VWA3A: variants seen among roughly 807,000 people sequenced by gnomAD.
The protein encoded by VWA3A is von Willebrand factor A domain containing 3A, also known as von Willebrand factor A domain-containing protein 3A.
A neutral mutation model predicts 160.4 loss-of-function variants in VWA3A; 134 were observed. That is an observed-to-expected ratio of 0.84 (90% CI 0.73 to 0.96). The LOEUF (loss-of-function observed/expected upper bound fraction) is 0.96. Among genes scored for constraint, VWA3A ranks in the 40% least tolerant of loss-of-function variants. The pLI is 0.00. For synonymous variants in VWA3A, 476 were observed against 543.4 expected (o/e 0.88, Z 1.72); for missense variants, 1,310 against 1,447.9 (o/e 0.90, Z 1.55).
At chr16:22,108,155 G>A (rs1024833682) in intron 6 of VWA3A, among the ~76,000 whole-genome samples, 6 of 152,114 alleles carry the variant, frequency 3.9e-5, no homozygotes, top group South Asian at 2.1e-4. Flanking sequence ...ATGGGTCCCC[G>A]GGAGGTAAGG....
chr16:22,092,784 A>C, intron 1 of VWA3A, 133 bp downstream of exon 1: 3 of 1,146,330 alleles, frequency 2.6e-6, no homozygotes, highest in East Asian at 2.8e-5. Context: ...CATGCCGAGC[A>C]TTGGGCTAAA....
intron 1 of VWA3A, among the ~76,000 whole-genome samples, chr16:22,093,128 G>A (rs547721860): frequency 1.3e-5 from 2 of 152,128 alleles, no homozygotes; most frequent in South Asian, 4.2e-4. Flanking sequence ...TTCAACAAAT[G>A]TTTTTTGAGC....
intron 5 of VWA3A, among the ~76,000 whole-genome samples, chr16:22,102,980 G>A (rs1208273281): frequency 6.6e-6 from 1 of 152,192 alleles, no homozygotes; most frequent in East Asian, 1.9e-4. Context: ...GTCACCAATA[G>A]AGCAGCACCT....
intron 29 of VWA3A, 38 bp from the exon 30 acceptor site, chr16:22,150,657 T>C: frequency 1.9e-6 from 3 of 1,575,460 alleles, no homozygotes; most frequent in Non-Finnish European, 2.6e-6. Context: ...TGGGTGAGCC[T>C]CTCCCCTGAG....
At position 22,121,691 on chromosome 16, in the gene VWA3A, G is replaced by A. The variant is rs887685479; in HGVS notation, c.1356+74G>A. On this transcript the variant is annotated intron_variant, in intron 14 of 33. Transcript: ENST00000389398. ...TGTGGCTTTTCCTACCTTCATAAAT[G>A]TTCTGGCAGTAAGAATCACCAGGGA... 5.9e-6 allele frequency: 7 copies of A among 1,195,156 alleles called. No homozygotes were observed. The African/African-American group carries it at 1.1e-4, about 18-fold the overall frequency. The allele number at this position is 1,195,156 out of a possible 1,614,324, so 74.0% of individuals were successfully genotyped here.
At chr16:22,129,772 G>C (rs2045916848) in intron 17 of VWA3A, among the ~76,000 whole-genome samples, 1 of 152,128 alleles carries the variant, frequency 6.6e-6, no homozygotes, top group East Asian at 1.9e-4. Flanking sequence ...AGCATTCGAA[G>C]GGTGGGCAGA....
chr16:22,146,241 G>A lies in VWA3A; in HGVS notation c.2736G>A (p.Val912=). 6.2e-7 allele frequency: 1 copy of A among 1,613,286 alleles called. No homozygotes were observed. Among genetic ancestry groups the A allele is most frequent in the Non-Finnish European group, 8.5e-7 (1 of 1,179,536 alleles). The part of the protein sequence containing the change: ...SIFPSVEIHG[V]VRHIQWTPRE... ...CTCTGCTTGCCTTAACCCAGGGAGT[G>A]GTGAGACACATCCAGTGGACGCCCA... The change falls in exon 27 of 34, where the codon GTG becomes GTA. Residue 912 remains valine, a synonymous_variant. Transcript: ENST00000389398.
chr16:22,123,365 A>T, intron 15 of VWA3A, 200 bp downstream of exon 15: 2 of 1,300,932 alleles, frequency 1.5e-6, no homozygotes, highest in African/African-American at 1.5e-5. Context: ...AAAAAAAAAA[A>T]GGCTTCTAAT....
At chr16:22,135,598 T>C (rs915552900) in intron 21 of VWA3A, among the ~76,000 whole-genome samples, 9 of 152,054 alleles carry the variant, frequency 5.9e-5, no homozygotes, top group Non-Finnish European at 1.5e-5. Context: ...GAAATGAGTG[T>C]CTCCTAGAAG....
chr16:22,110,391 C>T (rs995620189), intron 7 of VWA3A, among the ~76,000 whole-genome samples: 4 of 152,208 alleles, frequency 2.6e-5, no homozygotes, highest in African/African-American at 9.6e-5. Context: ...GACTTGTCCC[C>T]TGTTCCTGGT....
At position 22,156,835 on chromosome 16, in the gene VWA3A, T is replaced by C. The variant is rs2046449174; in HGVS notation, c.*818T>C. On this transcript the variant is annotated 3_prime_UTR_variant, in exon 34 of 34. Transcript: ENST00000389398. ...AAATTAAAAACAATTAATTTTATTCTACTAATAGGATCAACATGACTTTAA... is the reference window on the plus strand; with the variant it reads ...AAATTAAAAACAATTAATTTTATTCCACTAATAGGATCAACATGACTTTAA... 1 of 152,218 alleles carries C rather than the reference T, an allele frequency of 6.6e-6. No homozygotes were observed. Among genetic ancestry groups the C allele is most frequent in the Non-Finnish European group, 1.5e-5 (1 of 68,036 alleles). The allele number at this position is 152,218 out of a possible 1,614,324, so 9.4% of individuals were successfully genotyped here. A position where few individuals can be genotyped will look rare whatever the true frequency, so the allele number is the denominator to read the frequency against.
chr16:22,117,641 C>T (rs1157754121), intron 11 of VWA3A, among the ~76,000 whole-genome samples: 1 of 152,182 alleles, frequency 6.6e-6, no homozygotes, highest in African/African-American at 2.4e-5. Flanking sequence ...CTGTCCTTGT[C>T]CCAGTTAATA....
rs1174327241 is a variant in VWA3A, at chr16:22,121,200, C to T, written c.1252+97C>T. 6.4e-6 allele frequency: 10 copies of T among 1,553,766 alleles called. No individual in the cohort carries two copies. In the Admixed American group the frequency reaches 1.2e-4, roughly 19 times the overall value. ...GTGGCTCACACCTGCAATCCCAGCA[C>T]TTTGGGAGGCCAAGAAGGAAGGATC... On this transcript the variant is annotated intron_variant, in intron 13 of 33. Coordinates refer to ENST00000389398, the MANE Select transcript of VWA3A (RefSeq NM_173615.5).
intron 5 of VWA3A, among the ~76,000 whole-genome samples, chr16:22,101,173 C>G (rs575448377): frequency 6.6e-6 from 1 of 152,182 alleles, no homozygotes; most frequent in South Asian, 2.1e-4. Context: ...GGGAGGATCA[C>G]TTGAGCCCAG....
At position 22,118,984 on chromosome 16, in the gene VWA3A, A is replaced by G. The variant is rs764076482; in HGVS notation, c.1073A>G (p.Gln358Arg). The change falls in exon 12 of 34, where the codon CAG becomes CGG. Residue 358 changes from glutamine (Q) to arginine (R), a missense_variant. Physicochemically the swap from Gln to Arg is conservative, Grantham distance 43. Transcript: ENST00000389398. ...CTCCTCAGCCACGTGCAAGCCCTGC[A>G]GCACAGCAGCCCCTGTGAGGCGCTC... is the stretch of plus-strand genomic sequence containing the variant. ...QSLLSHVQAL[Q>R]HSSPCEALTC... is the part of the protein sequence containing the mutation. 1.9e-6 allele frequency: 3 copies of G among 1,613,868 alleles called. No individual in the cohort carries two copies. Among genetic ancestry groups the G allele is most frequent in the East Asian group, 4.5e-5 (2 of 44,876 alleles).
At chr16:22,152,244 G>T (rs1002946228) in intron 30 of VWA3A, among the ~76,000 whole-genome samples, 1 of 152,066 alleles carries the variant, frequency 6.6e-6, no homozygotes, top group African/African-American at 2.4e-5. Flanking sequence ...GGAGTGTGTG[G>T]GCTGTGTGGT....
chr16:22,116,887 T>C lies in VWA3A; in HGVS notation c.924+20T>C. The stretch of plus-strand genomic sequence containing the variant: ...CCCCCTGTGAGTGCCCGAGATTCTC[T>C]GAGGTGCCCCTTGGCTTTGGTGGTA... On this transcript the variant is annotated intron_variant, in intron 10 of 33. Coordinates refer to ENST00000389398, the MANE Select transcript of VWA3A (RefSeq NM_173615.5). The C allele has an allele frequency of 1.2e-6, 2 of 1,605,218 alleles. No homozygotes were observed. Among genetic ancestry groups the C allele is most frequent in the Non-Finnish European group, 1.7e-6 (2 of 1,173,810 alleles).
rs371707206 is a variant in VWA3A at position 22,111,003 on chromosome 16, C to A, written c.689+9C>A. The A allele has an allele frequency of 5.7e-6, 9 of 1,591,308 alleles. No homozygotes were observed. The highest frequency in any genetic ancestry group is 6.8e-6 in the Non-Finnish European group (8 of 1,168,772). ...GAAGTCAGCGCCTCCACGTGAGTGG[C>A]TTTCCTACCTGACGGTGATGTTCAC... is the stretch of plus-strand genomic sequence containing the variant. On this transcript the variant is annotated intron_variant, in intron 8 of 33. Coordinates refer to ENST00000389398, the MANE Select transcript of VWA3A (RefSeq NM_173615.5).
At chr16:22,136,897 A>ACACG (rs1555459612) in intron 21 of VWA3A, among the ~76,000 whole-genome samples, 4 of 115,494 alleles carry the variant, frequency 3.5e-5, no homozygotes, top group African/African-American at 1.3e-4. Context: ...ACACACACGC[A>ACACG]CACACACACA....
Sources: gnomAD v4.1 joint callset for allele counts (sites outside exome capture counted in the v4.1 genomes callset) on GRCh38, gnomAD v4.1.1 for gene constraint, MANE v1.5 for transcripts, NCBI Gene and HGNC (gene_info 2026-07-23, HGNC 2026-07-21) for gene names.